PACS1: variants seen among roughly 807,000 people sequenced by gnomAD.
PACS1 encodes PACS-1.
PACS1 carries 24 observed loss-of-function variants against 115.0 expected under a neutral mutation model. That is an observed-to-expected ratio of 0.21 (90% CI 0.15 to 0.29). PACS1 has a LOEUF of 0.29. PACS1 is among the 10% of genes least tolerant of loss of function. PACS1 has a pLI of 1.00. For synonymous variants in PACS1, 453 were observed against 504.5 expected (o/e 0.90, Z 1.37); for missense variants, 838 against 1,251.2 (o/e 0.67, Z 4.98).
At chr11:66,229,211 C>CAAAAAA (rs386374029) in intron 11 of PACS1, among the ~76,000 whole-genome samples, 4 of 63,028 alleles carry the variant, frequency 6.3e-5, no homozygotes, top group Non-Finnish European at 8.5e-5. Flanking sequence ...CCCGTCTCTA[C>CAAAAAA]AAAAAAAAAA....
At chr11:66,160,275 A>G (rs1419534311) in intron 1 of PACS1, among the ~76,000 whole-genome samples, 8 of 152,188 alleles carry the variant, frequency 5.3e-5, no homozygotes, top group Admixed American at 1.3e-4. Flanking sequence ...CCTCAGGTAA[A>G]CTACTGAAGT....
In PACS1 at chr11:66,089,930, C is replaced by T. The variant is rs1156732498; in HGVS notation, c.356+19088C>T. ...CTGAGGCAGGAGAATGGCGTGAACCCGGGAGGCTGAGCTTGCAGTGAGCCA... is the reference window on the plus strand; with the variant it reads ...CTGAGGCAGGAGAATGGCGTGAACCTGGGAGGCTGAGCTTGCAGTGAGCCA... On this transcript the variant is annotated intron_variant, in intron 1 of 23. Transcript: ENST00000320580. Among the ~76,000 whole-genome samples the T allele has an allele frequency of 2.4e-4, 32 of 135,426 alleles. 1 individual carries two copies. The highest frequency in any genetic ancestry group is 7.7e-4 in the African/African-American group (28 of 36,296). 88.8% of individuals were successfully genotyped at this position (135,426 alleles called of 152,430 possible).
rs565555948 is a variant in PACS1, at chr11:66,106,573, T to TA, written c.356+35740dup. ...CAGAATGAGACTCCATCTCAAAAAA[T>TA]AAAAAAAAATATAAAAAAATTAGCC... On this transcript the variant is annotated intron_variant, in intron 1 of 23. Coordinates refer to ENST00000320580, the MANE Select transcript of PACS1 (RefSeq NM_018026.4). Among the ~76,000 whole-genome samples the TA allele has an allele frequency of 1.1e-3, 161 of 150,002 alleles. 3 individuals carry two copies. The South Asian group carries it at 0.026, about 24-fold the overall frequency.
intron 1 of PACS1, among the ~76,000 whole-genome samples, chr11:66,156,155 TTTA>T (rs1859348308): frequency 6.8e-6 from 1 of 147,912 alleles, no homozygotes; most frequent in Non-Finnish European, 1.5e-5. Flanking sequence ...GTAAATTTTG[TTTA>T]TTGTCTGTAA....
At chr11:66,165,687 GT>G (rs1859584415) in intron 1 of PACS1, among the ~76,000 whole-genome samples, 1 of 151,882 alleles carries the variant, frequency 6.6e-6, no homozygotes. Flanking sequence ...ACATATTGGA[GT>G]TTTTCTATTT....
At chr11:66,100,832 C>T (rs901153379) in intron 1 of PACS1, 5 of 456,150 alleles carry the variant, frequency 1.1e-5, no homozygotes, top group Non-Finnish European at 2.2e-5. Context: ...GTGGCTGGAA[C>T]ACCTGTTATG....
At chr11:66,219,593 A>T in intron 7 of PACS1, 153 bp from the exon 8 acceptor site, 1 of 727,254 alleles carries the variant, frequency 1.4e-6, no homozygotes, top group South Asian at 1.5e-5. Context: ...TGTCTTCCTG[A>T]CAGGCTTTGA....
Position 66,119,179 on chromosome 11 carries a change from C to G in PACS1, c.356+48337C>G, listed in dbSNP as rs531241345. Among the ~76,000 whole-genome samples the G allele has an allele frequency of 3.3e-5, 5 of 152,342 alleles. No homozygotes were observed. The East Asian group carries it at 7.7e-4, about 23-fold the overall frequency. ...TTTGGTTTAATGCAGGATCACCAGA[C>G]TCTGTGGCCCACGACCTGTTTTTGT... On this transcript the variant is annotated intron_variant, in intron 1 of 23. Transcript: ENST00000320580.
At chr11:66,099,020 TCTTTTCTTTTC>T (rs1003319180) in intron 1 of PACS1, among the ~76,000 whole-genome samples, 8 of 152,062 alleles carry the variant, frequency 5.3e-5, no homozygotes, top group Non-Finnish European at 1.2e-4. Flanking sequence ...CCATTGTTTT[TCTTTTCTTTTC>T]CTTTTCTTTT....
In PACS1 at chr11:66,070,938, C is replaced by T; in HGVS notation, c.356+96C>T. The T allele has an allele frequency of 8.2e-7, 1 of 1,220,720 alleles. No individual in the cohort carries two copies. The highest frequency in any genetic ancestry group is 1.6e-5 in the African/African-American group (1 of 62,484). The allele number at this position is 1,220,720 out of a possible 1,614,324, so 75.6% of individuals were successfully genotyped here. Reference sequence around the variant, plus strand: ...CAGCGCCCATGGGGTCCCCGCCCTCCATCTCCCCGACTGTCCCGCGGCCCG... The same window carrying T: ...CAGCGCCCATGGGGTCCCCGCCCTCTATCTCCCCGACTGTCCCGCGGCCCG... On this transcript the variant is annotated intron_variant, in intron 1 of 23. Transcript: ENST00000320580. The surrounding 1 kb of genome is among the most constrained non-coding windows in gnomAD (Gnocchi z 5.9).
intron 13 of PACS1, among the ~76,000 whole-genome samples, chr11:66,231,285 C>G (rs906449619): frequency 6.6e-5 from 10 of 152,244 alleles, no homozygotes; most frequent in Admixed American, 4.6e-4. Context: ...TCCACTGTTG[C>G]AGAGGACAGC....
At chr11:66,101,841 C>T (rs141968847) in intron 1 of PACS1, among the ~76,000 whole-genome samples, 27 of 152,290 alleles carry the variant, frequency 1.8e-4, no homozygotes, top group African/African-American at 5.8e-4. Context: ...AGCTCTGTCT[C>T]GCTTAGCATC....
At position 66,227,535 on chromosome 11, in the gene PACS1, C is replaced by T. The variant is rs1855491770; in HGVS notation, c.1325C>T (p.Ser442Phe). The change falls in exon 11 of 24, where the codon TCT becomes TTT. Residue 442 changes from serine (S) to phenylalanine (F), a missense_variant. Coordinates refer to ENST00000320580, the MANE Select transcript of PACS1 (RefSeq NM_018026.4). The part of the protein sequence containing the change: ...MELAALEKIK[S>F]TWIKNQDDSL... The stretch of plus-strand genomic sequence containing the variant: ...TTGGCTGCTCTAGAAAAAATTAAAT[C>T]TACTTGGATTAAAAACCAAGATGAC... 6.2e-7 allele frequency: 1 copy of T among 1,611,122 alleles called. No individual in the cohort carries two copies. Among genetic ancestry groups the T allele is most frequent in the Admixed American group, 1.7e-5 (1 of 59,656 alleles).
chr11:66,203,282 T>A (rs757741068), intron 2 of PACS1, among the ~76,000 whole-genome samples: 15 of 152,084 alleles, frequency 9.9e-5, no homozygotes, highest in Non-Finnish European at 2.1e-4. Context: ...TACCTAGGAA[T>A]AAACTTAACC....
chr11:66,129,312 A>G (rs994283310), intron 1 of PACS1, among the ~76,000 whole-genome samples: 6 of 151,834 alleles, frequency 4.0e-5, no homozygotes, highest in African/African-American at 1.4e-4. Context: ...CGCACTTGTA[A>G]TCCCAGCTAC....
At chr11:66,116,375 A>G (rs1349889300) in intron 1 of PACS1, among the ~76,000 whole-genome samples, 1 of 152,240 alleles carries the variant, frequency 6.6e-6, no homozygotes, top group Non-Finnish European at 1.5e-5. Flanking sequence ...AGTGCTCACC[A>G]AAAGCTGTTT....
chr11:66,116,754 G>A (rs1483103225), intron 1 of PACS1, among the ~76,000 whole-genome samples: 1 of 151,928 alleles, frequency 6.6e-6, no homozygotes, highest in Non-Finnish European at 1.5e-5. Context: ...GCCAGGCGTG[G>A]TGGTGTGTGT....
chr11:66,125,981 A>C (rs1858562024), intron 1 of PACS1, among the ~76,000 whole-genome samples: 1 of 151,474 alleles, frequency 6.6e-6, no homozygotes, highest in Non-Finnish European at 1.5e-5. Context: ...CAGAGGTTAC[A>C]GTGAGCCGAG....
At chr11:66,197,388 A>G (rs1057263799) in intron 2 of PACS1, among the ~76,000 whole-genome samples, 1 of 152,172 alleles carries the variant, frequency 6.6e-6, no homozygotes, top group Admixed American at 6.5e-5. Flanking sequence ...AAGAGCACAA[A>G]AGTCTTATTG....
Sources: allele counts gnomAD v4.1 joint callset (sites outside exome capture counted in the v4.1 genomes callset), GRCh38; gene constraint gnomAD v4.1.1; non-coding constraint Gnocchi (gnomAD v3.1); transcripts MANE v1.5; gene names NCBI Gene and HGNC (gene_info 2026-07-23, HGNC 2026-07-21).